HRNR: variants seen among roughly 807,000 people sequenced by gnomAD.
HRNR encodes the protein filaggrin family member 3.
In HRNR, 7 loss-of-function variants were observed where a neutral mutation model predicts 4.8. The ratio of observed to expected loss-of-function variants is 1.47; its 90% CI spans 0.83 to 2.75. HRNR has a LOEUF of 2.75. Among genes scored for constraint, HRNR ranks in the 30% most tolerant of loss-of-function variants. The pLI, the probability that HRNR is intolerant of heterozygous loss-of-function variation, is 0.00. For synonymous variants in HRNR, 1,023 were observed against 1,242.7 expected (o/e 0.82, Z 3.72); for missense variants, 2,879 against 3,010.4 (o/e 0.96, Z 1.02).
chr1:152,220,686 C>G lies in HRNR; in HGVS notation c.943G>C (p.Gly315Arg). ...QSPSHVRHGS[G>R]SGHSSSHGQH... Reference sequence around the variant, plus strand: ...CCGTGGCTGGAGGAGTGCCCCGAACCGGACCCATGTCGGACGTGGCTAGGA... The same window carrying G: ...CCGTGGCTGGAGGAGTGCCCCGAACGGGACCCATGTCGGACGTGGCTAGGA... Residue 315 changes from glycine (G) to arginine (R), a missense_variant, in exon 3 of 3, where the codon GGT (glycine) becomes CGT (arginine). Around this residue, in one of 8 missense-constraint regions of HRNR, gnomAD observed 2,646 missense variants for 1,377.7 expected, o/e 1.92. Coordinates refer to ENST00000368801, the MANE Select transcript of HRNR (RefSeq NM_001009931.3). 1 of 1,613,896 alleles carries G rather than the reference C, an allele frequency of 6.2e-7. No homozygotes were observed. The highest frequency in any genetic ancestry group is 1.3e-5 in the African/African-American group (1 of 75,002).
Position 152,220,927 on chromosome 1 carries a change from G to A in HRNR, c.702C>T (p.His234=), listed in dbSNP as rs752079344. ...GSGQSSGFSQ[H]KSSSGQSSGY... The stretch of plus-strand genomic sequence containing the variant: ...CAGAGGACTGCCCTGAGCTAGACTT[G>A]TGTTGACTAAAGCCAGAAGACTGGC... Residue 234 remains histidine, a synonymous_variant, in exon 3 of 3, where the codon CAC becomes CAT. Coordinates refer to ENST00000368801, the MANE Select transcript of HRNR (RefSeq NM_001009931.3). The A allele has an allele frequency of 6.2e-7, 1 of 1,612,358 alleles. No homozygotes were observed. The highest frequency in any genetic ancestry group is 8.5e-7 in the Non-Finnish European group (1 of 1,178,366).
At chr1:152,223,588 A>C (rs1432549023) in intron 1 of HRNR, among the ~76,000 whole-genome samples, 1 of 152,224 alleles carries the variant, frequency 6.6e-6, no homozygotes, top group Non-Finnish European at 1.5e-5. Flanking sequence ...GAGCTGTAGA[A>C]GTCCTGAGTG....
In HRNR at chr1:152,213,129, T is replaced by A. The variant is rs1384119521; in HGVS notation, c.8500A>T (p.Ser2834Cys). Residue 2834 changes from serine to cysteine, a missense_variant, in exon 3 of 3, where the codon AGC becomes TGC. Transcript: ENST00000368801. ...TGGACATATTCATAGGGTGAAGTGC[T>A]ACTAGGAAAACTGAGAAAATATGAG... ...SGSYFLSFPSSTSPYEYVQEQ... is the reference protein window; with the variant it reads ...SGSYFLSFPSCTSPYEYVQEQ... The A allele has an allele frequency of 4.3e-6, 7 of 1,613,876 alleles. No homozygotes were observed. In the East Asian group the frequency reaches 1.1e-4, roughly 26 times the overall value.
At position 152,218,822 on chromosome 1, in the gene HRNR, G is replaced by A; in HGVS notation, c.2807C>T (p.Ser936Phe). ...GTAACCAGAGGACTGCCCTGAGCTA[G>A]ACTTGTGACCAAAGCCAGAAGACTG... Reference protein sequence around the residue: ...SGQSSGFGHKSSSGQSSGYTQ... With the variant: ...SGQSSGFGHKFSSGQSSGYTQ... Residue 936 changes from serine (S) to phenylalanine (F), a missense_variant, in exon 3 of 3, where the codon TCT (serine) becomes TTT (phenylalanine). By Grantham distance (155) the Ser-to-Phe change is radical (BLOSUM62 -2). Coordinates refer to ENST00000368801, the MANE Select transcript of HRNR (RefSeq NM_001009931.3). The A allele has an allele frequency of 6.2e-7, 1 of 1,612,858 alleles. No homozygotes were observed. Among genetic ancestry groups the A allele is most frequent in the East Asian group, 2.2e-5 (1 of 44,698 alleles).
At position 152,220,424 on chromosome 1, in the gene HRNR, T is replaced by C. The variant is rs960352925; in HGVS notation, c.1205A>G (p.Gln402Arg). ...AGAGTGACGGGAGGCAGACTCATGC[T>C]GACCATAGCTGGAAGACTGACGTGA... Reference protein sequence around the residue: ...SSSRQSSSYGQHESASRHSSG... With the variant: ...SSSRQSSSYGRHESASRHSSG... The change falls in exon 3 of 3, where the codon CAG becomes CGG. Residue 402 changes from glutamine to arginine, a missense_variant. By Grantham distance (43) the Gln-to-Arg change is conservative. Around this residue, in one of 8 missense-constraint regions of HRNR, gnomAD observed 2,646 missense variants for 1,377.7 expected, o/e 1.92. Coordinates refer to ENST00000368801, the MANE Select transcript of HRNR (RefSeq NM_001009931.3). 8.1e-6 allele frequency: 13 copies of C among 1,613,926 alleles called. No individual in the cohort carries two copies. The Admixed American group carries it at 1.0e-4, about 12-fold the overall frequency.
chr1:152,219,986 T>G lies in HRNR; in HGVS notation c.1643A>C (p.His548Pro), dbSNP rs1208704926. The change falls in exon 3 of 3, where the codon CAT becomes CCT. Residue 548 changes from histidine (H) to proline (P), a missense_variant. His to Pro is a moderately conservative substitution (Grantham distance 77). Transcript: ENST00000368801. ...GQSPSPSRGRHESGSRQSSSY... is the reference protein window; with the variant it reads ...GQSPSPSRGRPESGSRQSSSY... ...GGAAGACTGCCTGGAACCAGACTCA[T>G]GTCGGCCACGGCTAGGGCTAGGAGA... is the stretch of plus-strand genomic sequence containing the variant. 4 of 1,612,256 alleles carry G rather than the reference T, an allele frequency of 2.5e-6. No homozygotes were observed. Among genetic ancestry groups the G allele is most frequent in the Non-Finnish European group, 3.4e-6 (4 of 1,179,630 alleles).
chr1:152,219,911 G>C lies in HRNR; in HGVS notation c.1718C>G (p.Pro573Arg), dbSNP rs145844679. The C allele has an allele frequency of 6.2e-7, 1 of 1,613,478 alleles. No individual in the cohort carries two copies. Among genetic ancestry groups the C allele is most frequent in the South Asian group, 1.1e-5 (1 of 91,046 alleles). ...AGAGTGACCGGAGCCAGACTCATAT[G>C]GGCCACGGCTTGAAGACCTCCCTGA... ...YGSGRSSSRG[P>R]YESGSGHSSG... is the part of the protein sequence containing the mutation. The change falls in exon 3 of 3, where the codon CCA (proline) becomes CGA (arginine). Residue 573 changes from proline (P) to arginine (R), a missense_variant. Transcript: ENST00000368801.
rs142836430 is a variant in HRNR, at chr1:152,219,022, C to G, written c.2607G>C (p.Gln869His). The change falls in exon 3 of 3, where the codon CAG becomes CAC. Residue 869 changes from glutamine (Q) to histidine (H), a missense_variant. By Grantham distance (24) the Gln-to-His change is conservative. Coordinates refer to ENST00000368801, the MANE Select transcript of HRNR (RefSeq NM_001009931.3). ...SSSGQSSSYG[Q>H]HESASHHASG... ...AAGCGTGATGGGAGGCAGACTCATGCTGACCATAGCTGGAAGATTGACCTG... is the reference window on the plus strand; with the variant it reads ...AAGCGTGATGGGAGGCAGACTCATGGTGACCATAGCTGGAAGATTGACCTG... 6.8e-6 allele frequency: 11 copies of G among 1,613,842 alleles called. 1 individual carries two copies. Among genetic ancestry groups the G allele is most frequent in the South Asian group, 1.1e-5 (1 of 91,078 alleles).
At position 152,220,034 on chromosome 1, in the gene HRNR, C is replaced by A. The variant is rs537328568; in HGVS notation, c.1595G>T (p.Arg532Leu). 4.3e-6 allele frequency: 7 copies of A among 1,612,390 alleles called. No individual in the cohort carries two copies. The highest frequency in any genetic ancestry group is 4.2e-6 in the Non-Finnish European group (5 of 1,179,562). ...SGSRQSLGHS[R>L]HGSGSGQSPS... is the part of the protein sequence containing the mutation. ...AGACTGGCCAGATCCAGACCCATGTCGGCTGTGTCCCAAAGATTGACGGGA... is the reference window on the plus strand; with the variant it reads ...AGACTGGCCAGATCCAGACCCATGTAGGCTGTGTCCCAAAGATTGACGGGA... Residue 532 changes from arginine (R) to leucine (L), a missense_variant, in exon 3 of 3, where the codon CGA (arginine) becomes CTA (leucine). Transcript: ENST00000368801.
At chr1:152,221,786 AG>A (rs1234301658) in intron 2 of HRNR, among the ~76,000 whole-genome samples, 1 of 152,190 alleles carries the variant, frequency 6.6e-6, no homozygotes, top group Non-Finnish European at 1.5e-5. Flanking sequence ...CTAATTTATA[AG>A]TAATATGTTT....
Position 152,220,472 on chromosome 1 carries a change from C to A in HRNR, c.1157G>T (p.Ser386Ile), listed in dbSNP as rs373911875. The part of the protein sequence containing the change: ...QHGSTSGQAS[S>I]SGQHGSSSRQ... ...TGAGCTGGAGCCATGTTGGCCAGAG[C>A]TTGATGCCTGCCCTGACGTAGATCC... The change falls in exon 3 of 3, where the codon AGC (serine) becomes ATC (isoleucine). Residue 386 changes from serine to isoleucine, a missense_variant. Transcript: ENST00000368801. 2.5e-6 allele frequency: 4 copies of A among 1,611,920 alleles called. No individual in the cohort carries two copies. Among genetic ancestry groups the A allele is most frequent in the Non-Finnish European group, 3.4e-6 (4 of 1,178,888 alleles).
Position 152,220,919 on chromosome 1 carries a change from C to G in HRNR, c.710G>C (p.Ser237Thr), listed in dbSNP as rs1648964613. ...QSSGFSQHKS[S>T]SGQSSGYSQH... ...ACTGTAACCAGAGGACTGCCCTGAG[C>G]TAGACTTGTGTTGACTAAAGCCAGA... is the stretch of plus-strand genomic sequence containing the variant. Residue 237 changes from serine to threonine, a missense_variant, in exon 3 of 3, where the codon AGC becomes ACC. Physicochemically the swap from Ser to Thr is moderately conservative, Grantham distance 58. Transcript: ENST00000368801. 6.2e-7 allele frequency: 1 copy of G among 1,614,208 alleles called. No individual in the cohort carries two copies. Among genetic ancestry groups the G allele is most frequent in the South Asian group, 1.1e-5 (1 of 91,086 alleles).
rs763029088 is a variant in HRNR, at chr1:152,219,561, G to A, written c.2068C>T (p.Pro690Ser). ...GACTGGCCTGAGACAGACCCATGTG[G>A]GCCATTGCTTGAAGACCAACCGGAG... Reference protein sequence around the residue: ...SGSGWSSSNGPHGSVSGQSSG... With the variant: ...SGSGWSSSNGSHGSVSGQSSG... Residue 690 changes from proline (P) to serine (S), a missense_variant, in exon 3 of 3, where the codon CCA becomes TCA. By Grantham distance (74) the Pro-to-Ser change is moderately conservative. This residue lies in a region of HRNR where 2,646 missense variants were observed against 1,377.7 expected (regional missense o/e 1.92). Transcript: ENST00000368801. 4 of 1,613,822 alleles carry A rather than the reference G, an allele frequency of 2.5e-6. No individual in the cohort carries two copies. The South Asian group carries it at 3.3e-5, about 13-fold the overall frequency.
rs191437079 is a variant in HRNR at position 152,218,522 on chromosome 1, C to G, written c.3107G>C (p.Ser1036Thr). The G allele has an allele frequency of 1.6e-5, 26 of 1,613,878 alleles. No individual in the cohort carries two copies. Among genetic ancestry groups the G allele is most frequent in the Non-Finnish European group, 2.1e-5 (25 of 1,179,994 alleles). Residue 1036 changes from serine to threonine, a missense_variant, in exon 3 of 3, where the codon AGC (serine) becomes ACC (threonine). This residue lies in a region of HRNR where 2,646 missense variants were observed against 1,377.7 expected (regional missense o/e 1.92). Coordinates refer to ENST00000368801, the MANE Select transcript of HRNR (RefSeq NM_001009931.3). ...PYRSGSGWSSSRGPYESGSGH... is the reference protein window; with the variant it reads ...PYRSGSGWSSTRGPYESGSGH... ...GGAGCCAGACTCATATGGGCCACGG[C>G]TTGAAGACCACCCTGAGCCAGACCT...
intron 2 of HRNR, 25 bp from the exon 3 acceptor site, chr1:152,221,515 G>T (rs747227994): frequency 1.3e-6 from 2 of 1,519,536 alleles, no homozygotes; most frequent in Non-Finnish European, 1.8e-6. Context: ...GGTACAAAGA[G>T]TAGCTCTGTT....
rs769493218 is a variant in HRNR, at chr1:152,219,399, A to G, written c.2230T>C (p.Ser744Pro). ...TAGCTGGAAGACAAACCTGAGCTAG[A>G]TCCGTGTTGTTCACTCCTAGATGAC... ...GQSSRSEQHG[S>P]SSGLSSSYGQ... Residue 744 changes from serine (S) to proline (P), a missense_variant, in exon 3 of 3, where the codon TCT becomes CCT. Transcript: ENST00000368801. 1 of 1,613,920 alleles carries G rather than the reference A, an allele frequency of 6.2e-7. No homozygotes were observed. The highest frequency in any genetic ancestry group is 1.1e-5 in the South Asian group (1 of 91,074).
rs750248173 is a variant in HRNR at position 152,219,837 on chromosome 1, C to T, written c.1792G>A (p.Gly598Ser). The change falls in exon 3 of 3, where the codon GGT becomes AGT. Residue 598 changes from glycine to serine, a missense_variant. By Grantham distance (56) the Gly-to-Ser change is moderately conservative. This residue lies in a region of HRNR where 2,646 missense variants were observed against 1,377.7 expected (regional missense o/e 1.92). Coordinates refer to ENST00000368801, the MANE Select transcript of HRNR (RefSeq NM_001009931.3). ...ESRSGQSSGY[G>S]QHGSSSGHSS... Reference sequence around the variant, plus strand: ...TGACCCGAGCTAGATCCGTGTTGACCGTAGCCAGAGGACTGTCCTGAGCGA... The same window carrying T: ...TGACCCGAGCTAGATCCGTGTTGACTGTAGCCAGAGGACTGTCCTGAGCGA... The T allele has an allele frequency of 3.4e-5, 55 of 1,611,698 alleles. 1 individual carries two copies. Among genetic ancestry groups the T allele is most frequent in the South Asian group, 2.4e-4 (22 of 90,990 alleles).
In HRNR at chr1:152,220,597, C is replaced by T. The variant is rs1408220024; in HGVS notation, c.1032G>A (p.Gln344=). 6.2e-7 allele frequency: 1 copy of T among 1,608,218 alleles called. No individual in the cohort carries two copies. Among genetic ancestry groups the T allele is most frequent in the Admixed American group, 1.7e-5 (1 of 59,748 alleles). Residue 344 remains glutamine (Q), a synonymous_variant, in exon 3 of 3, where the codon CAG becomes CAA. Coordinates refer to ENST00000368801, the MANE Select transcript of HRNR (RefSeq NM_001009931.3). ...SRGHYESGSG[Q]TSGFGQHESG... ...ACTCATGTTGCCCAAAGCCAGAAGTCTGGCCTGAGCCAGACTCATAATGGC... is the reference window on the plus strand; with the variant it reads ...ACTCATGTTGCCCAAAGCCAGAAGTTTGGCCTGAGCCAGACTCATAATGGC...
At position 152,219,353 on chromosome 1, in the gene HRNR, G is replaced by C. The variant is rs760292814; in HGVS notation, c.2276C>G (p.Ser759Cys). The C allele has an allele frequency of 1.9e-6, 3 of 1,613,912 alleles. No individual in the cohort carries two copies. The African/African-American group carries it at 4.0e-5, about 22-fold the overall frequency. The change falls in exon 3 of 3, where the codon TCC becomes TGC. Residue 759 changes from serine (S) to cysteine (C), a missense_variant. This residue lies in a region of HRNR where 2,646 missense variants were observed against 1,377.7 expected (regional missense o/e 1.92). Coordinates refer to ENST00000368801, the MANE Select transcript of HRNR (RefSeq NM_001009931.3). ...SSSYGQHGSG[S>C]HQSSGHGRQG... ...TCGGCCGTGGCCCGAAGATTGATGG[G>C]AGCCCGACCCATGCTGACCATAGCT...
Sources: allele counts gnomAD v4.1 joint callset (sites outside exome capture counted in the v4.1 genomes callset), GRCh38; gene constraint gnomAD v4.1.1; regional missense constraint gnomAD v4.1.1; transcripts MANE v1.5; gene names NCBI Gene and HGNC (gene_info 2026-07-23, HGNC 2026-07-21).